RUNX1T1: variants seen among roughly 807,000 people sequenced by gnomAD.
RUNX1T1 encodes the protein protein CBFA2T1.
A neutral mutation model predicts 62.8 loss-of-function variants in RUNX1T1; 4 were observed. The observed-to-expected ratio is 0.06, with a 90% CI of 0.03 to 0.15. The LOEUF (loss-of-function observed/expected upper bound fraction) is 0.15. RUNX1T1 is among the 10% of genes least tolerant of loss of function. RUNX1T1 has a pLI of 1.00. For missense variants in RUNX1T1, 508 were observed against 754.3 expected, an observed-to-expected ratio of 0.67 and a Z score of 3.82; for synonymous variants, 291 against 286.0, an observed-to-expected ratio of 1.02 and a Z score of -0.18.
downstream of RUNX1T1, chr8:91,958,835 C>T (rs957683260): frequency 5.2e-6 from 1 of 190,966 alleles, no homozygotes. Context: ...GTTAGCATTC[C>T]GTGAAGCATG....
chr8:91,955,536 A>G (rs2130314941), downstream of RUNX1T1: 2 of 225,918 alleles, frequency 8.9e-6, no homozygotes, highest in South Asian at 1.8e-4. Flanking sequence ...TGGAAAAGCT[A>G]CATTTCCCAG....
At chr8:92,035,249 C>T (rs891856837) in intron 1 of RUNX1T1, among the ~76,000 whole-genome samples, 16 of 150,034 alleles carry the variant, frequency 1.1e-4, no homozygotes, top group Non-Finnish European at 1.8e-4. Context: ...GAGCCAATAT[C>T]GCGCCATTGC....
downstream of RUNX1T1, chr8:91,958,059 A>C: frequency 4.8e-6 from 1 of 208,480 alleles, no homozygotes; most frequent in Non-Finnish European, 9.8e-6. Flanking sequence ...CTTAAAAGCC[A>C]CTTAAAACTG....
intron 1 of RUNX1T1, among the ~76,000 whole-genome samples, chr8:92,077,171 G>A (rs1490497133): frequency 6.6e-6 from 1 of 151,980 alleles, no homozygotes. Flanking sequence ...CTTTTGTGAT[G>A]CAATCAGTTG....
chr8:92,017,167 G>T (rs530207379), intron 2 of RUNX1T1, 59 bp downstream of exon 3: 1 of 1,251,480 alleles, frequency 8.0e-7, no homozygotes, highest in South Asian at 1.3e-5. Flanking sequence ...TTCATTTGCA[G>T]AAAAAAATTT....
chr8:92,030,318 C>T (rs1825992975), intron 1 of RUNX1T1, among the ~76,000 whole-genome samples: 1 of 152,070 alleles, frequency 6.6e-6, no homozygotes, highest in African/African-American at 2.4e-5. Context: ...AGTAGTGTCC[C>T]ATAAGGAAAT....
At chr8:92,092,032 C>T (rs138658748) in intron 1 of RUNX1T1, among the ~76,000 whole-genome samples, 1,894 of 152,250 alleles carry the variant, frequency 0.012, 38 homozygotes, top group Middle Eastern at 0.048. Context: ...AATTGATCCT[C>T]AGCAGTGATC....
intron 2 of RUNX1T1, among the ~76,000 whole-genome samples, chr8:92,072,360 A>T (rs1257947614): frequency 6.6e-6 from 1 of 152,210 alleles, no homozygotes; most frequent in African/African-American, 2.4e-5. Context: ...AAAACTCTAA[A>T]ATATTTTGTG....
chr8:92,045,431 CTA>C (rs1484880992), intron 1 of RUNX1T1, among the ~76,000 whole-genome samples: 1 of 152,154 alleles, frequency 6.6e-6, no homozygotes, highest in African/African-American at 2.4e-5. Flanking sequence ...CCAATTCAAC[CTA>C]TCAGTGAGAT....
chr8:91,961,246 A>T (rs1810386060), intron 10 of RUNX1T1, among the ~76,000 whole-genome samples: 2 of 152,244 alleles, frequency 1.3e-5, no homozygotes. Context: ...TTCAATAAAT[A>T]TTTGTGAAAT....
At chr8:92,014,691 C>T in exon 3 of RUNX1T1, 1 of 1,614,022 alleles carries the variant, frequency 6.2e-7, no homozygotes. Flanking sequence ...TTGCCTGGCA[C>T]CACAGGCTGG....
At chr8:92,064,473 T>C (rs1009188858), upstream of RUNX1T1, among the ~76,000 whole-genome samples, 1 of 152,200 alleles carries the variant, frequency 6.6e-6, no homozygotes, top group Admixed American at 6.5e-5. Flanking sequence ...AACATTCTTA[T>C]GATAGAAAGC....
chr8:92,028,147 G>C (rs1183962226), intron 1 of RUNX1T1, among the ~76,000 whole-genome samples: 2 of 147,334 alleles, frequency 1.4e-5, no homozygotes, highest in African/African-American at 5.1e-5. Context: ...ATGAAAGGAA[G>C]GAAGAAAGGT....
chr8:91,991,820 A>G, exon 6 of RUNX1T1: 1 of 1,614,138 alleles, frequency 6.2e-7, no homozygotes, highest in Non-Finnish European at 8.5e-7. Flanking sequence ...GGCCTGGGCT[A>G]ATAGTGCATG....
chr8:92,096,408 C>T (rs977108469), intron 1 of RUNX1T1, among the ~76,000 whole-genome samples: 6 of 152,172 alleles, frequency 3.9e-5, no homozygotes, highest in African/African-American at 1.4e-4. Context: ...AATGCTTGTC[C>T]GTCAGTCCAG....
chr8:92,034,124 G>A (rs1446210132), intron 1 of RUNX1T1, among the ~76,000 whole-genome samples: 3 of 152,144 alleles, frequency 2.0e-5, no homozygotes, highest in South Asian at 2.1e-4. Flanking sequence ...AAGAAAGCCC[G>A]TGAACACACA....
At chr8:92,095,379 G>T in intron 1 of RUNX1T1, 1 of 1,535,444 alleles carries the variant, frequency 6.5e-7, no homozygotes, top group African/African-American at 1.4e-5. Flanking sequence ...GAGCGGCCGC[G>T]GCCGAGGCGG....
chr8:91,971,713 T>G (rs1402713966), intron 9 of RUNX1T1, among the ~76,000 whole-genome samples: 3 of 152,184 alleles, frequency 2.0e-5, no homozygotes, highest in Non-Finnish European at 4.4e-5. Context: ...CATAACCAAC[T>G]GTTGCACTAG....
At chr8:92,024,636 T>C (rs1824797448) in intron 1 of RUNX1T1, among the ~76,000 whole-genome samples, 1 of 151,984 alleles carries the variant, frequency 6.6e-6, no homozygotes, top group Non-Finnish European at 1.5e-5. Context: ...CTGACATCTC[T>C]GTAGCATCTG....
Sources: gnomAD v4.1 joint callset for allele counts (sites outside exome capture counted in the v4.1 genomes callset) on GRCh38, gnomAD v4.1.1 for gene constraint, MANE v1.5 for transcripts, NCBI Gene and HGNC (gene_info 2026-07-23, HGNC 2026-07-21) for gene names.